Variants in OSBPL9 observed in about 807,000 individuals in gnomAD.
OSBPL9 encodes the protein oxysterol binding protein like 9.
A neutral mutation model predicts 106.6 loss-of-function variants in OSBPL9; 40 were observed. The observed-to-expected ratio is 0.38, with a 90% CI of 0.29 to 0.49. The LOEUF is 0.49. OSBPL9 is among the 20% of genes least tolerant of loss of function. The pLI, the probability that OSBPL9 is intolerant of heterozygous loss-of-function variation, is 0.97. For missense variants in OSBPL9, 609 were observed against 887.2 expected, an observed-to-expected ratio of 0.69 and a Z score of 3.98; for synonymous variants, 269 against 295.4, an observed-to-expected ratio of 0.91 and a Z score of 0.92.
Position 51,602,839 on chromosome 1 carries a change from G to A in OSBPL9, c.-353+4646G>A, listed in dbSNP as rs543530603. ...AGCATGCAGTGGGTGCTCAAAATAT[G>A]TTGATGGAATAAGGTAAATAATAAC... On this transcript the variant is annotated intron_variant, in intron 2 of 25. Coordinates refer to the OSBPL9 transcript ENST00000371714. Among the ~76,000 whole-genome samples the A allele has an allele frequency of 5.3e-5, 8 of 152,256 alleles. No homozygotes were observed. In the East Asian group the frequency reaches 1.5e-3, roughly 29 times the overall value.
intron 1 of OSBPL9, among the ~76,000 whole-genome samples, chr1:51,589,095 C>CT (rs71063044): frequency 0.25 from 36,657 of 146,824 alleles, 5,102 homozygotes; most frequent in Middle Eastern, 0.34. Context: ...CTTTTCTTTT[C>CT]TTTTTTTTTT....
chr1:51,745,258 G>A (rs1667742651), intron 4 of OSBPL9: 1 of 324,962 alleles, frequency 3.1e-6, no homozygotes, highest in South Asian at 3.6e-5. Context: ...ACAGGGTTTG[G>A]GGGAGATAAG....
chr1:51,706,643 A>C (rs1658601681), intron 3 of OSBPL9, among the ~76,000 whole-genome samples: 1 of 150,494 alleles, frequency 6.6e-6, no homozygotes, highest in African/African-American at 2.4e-5. Context: ...TGTTGTTTTC[A>C]GCCTTTTTGC....
At chr1:51,585,029 C>T (rs1424219269) in intron 1 of OSBPL9, among the ~76,000 whole-genome samples, 1 of 152,054 alleles carries the variant, frequency 6.6e-6, no homozygotes, top group Admixed American at 6.6e-5. Flanking sequence ...TGTGAGCTAG[C>T]CATGTGCAGT....
At chr1:51,529,242 A>ATT in the OSBPL9 span, among the ~76,000 whole-genome samples, 30 of 145,156 alleles carry the variant, frequency 2.1e-4, no homozygotes, top group East Asian at 2.2e-3. Context: ...ATGCTTCCTG[A>ATT]TTTTTTTTTT....
intron 1 of OSBPL9, among the ~76,000 whole-genome samples, chr1:51,632,214 C>T (rs1645151798): frequency 6.6e-6 from 1 of 151,892 alleles, no homozygotes; most frequent in Non-Finnish European, 1.5e-5. Flanking sequence ...ATGTACTGTA[C>T]ATAATTGTAT....
chr1:51,647,820 A>G (rs909813953), intron 1 of OSBPL9, among the ~76,000 whole-genome samples: 2 of 152,096 alleles, frequency 1.3e-5, no homozygotes, highest in Non-Finnish European at 2.9e-5. Context: ...GATTTTTTAA[A>G]GAACCAACTT....
At chr1:51,572,966 A>T (rs1020909317), upstream of OSBPL9, among the ~76,000 whole-genome samples, 9 of 151,946 alleles carry the variant, frequency 5.9e-5, no homozygotes, top group African/African-American at 2.2e-4. Context: ...AATCCCAGCA[A>T]TGCGGGAGGC....
the OSBPL9 span, chr1:51,561,581 T>C: frequency 6.6e-6 from 1 of 152,144 alleles, no homozygotes; most frequent in Non-Finnish European, 1.5e-5. Flanking sequence ...GCATCTGGTG[T>C]ACTTAACAAT....
intron 3 of OSBPL9, among the ~76,000 whole-genome samples, chr1:51,685,868 T>G (rs905280812): frequency 3.3e-5 from 5 of 152,208 alleles, no homozygotes; most frequent in Admixed American, 2.6e-4. Context: ...TTCTTAATAT[T>G]AAATTTGGGA....
chr1:51,719,625 C>G (rs1295283773), intron 4 of OSBPL9, among the ~76,000 whole-genome samples: 2 of 151,970 alleles, frequency 1.3e-5, no homozygotes, highest in Non-Finnish European at 2.9e-5. Flanking sequence ...GTATAAAAAT[C>G]AGTTTTATAA....
chr1:51,597,239 G>A (rs985602924), intron 1 of OSBPL9, among the ~76,000 whole-genome samples: 4 of 152,134 alleles, frequency 2.6e-5, no homozygotes, highest in Non-Finnish European at 5.9e-5. Context: ...TATAACTGGT[G>A]TAGTGGGAAG....
intron 4 of OSBPL9, among the ~76,000 whole-genome samples, chr1:51,737,550 GT>G (rs1665976775): frequency 1.7e-5 from 2 of 117,370 alleles, no homozygotes; most frequent in South Asian, 2.6e-4. Flanking sequence ...TCAGGGGTGT[GT>G]GTGTGTGTGT....
chr1:51,552,826 T>C, the OSBPL9 span, among the ~76,000 whole-genome samples: 1 of 152,060 alleles, frequency 6.6e-6, no homozygotes, highest in Non-Finnish European at 1.5e-5. Context: ...GGTTTCACCA[T>C]CTTGGCCAGG....
rs190918347 is a variant in OSBPL9 at position 51,741,877 on chromosome 1, A to G, written c.319-3659A>G. ...TAGAGCTGTGGCTCACATCAGTGTA[A>G]TAAACCAAAGAGCAGCAACCTCTTT... On this transcript the variant is annotated intron_variant, in intron 4 of 23. Transcript: ENST00000428468. 2.8e-4 allele frequency among the ~76,000 whole-genome samples: 42 copies of G among 152,324 alleles called. No homozygotes were observed. The East Asian group carries it at 5.8e-3, about 21-fold the overall frequency.
intron 2 of OSBPL9, among the ~76,000 whole-genome samples, chr1:51,659,962 G>C (rs1335573293): frequency 6.6e-6 from 1 of 152,052 alleles, no homozygotes; most frequent in Non-Finnish European, 1.5e-5. Flanking sequence ...AAATGGTATG[G>C]TGGTGTTATA....
At chr1:51,532,206 A>G in the OSBPL9 span, among the ~76,000 whole-genome samples, 686 of 152,358 alleles carry the variant, frequency 4.5e-3, 3 homozygotes, top group Admixed American at 9.5e-3. Context: ...AGAAATGTCT[A>G]GCTGAAATGA....
At chr1:51,666,181 G>A (rs1196221040) in intron 2 of OSBPL9, among the ~76,000 whole-genome samples, 1 of 152,152 alleles carries the variant, frequency 6.6e-6, no homozygotes, top group Non-Finnish European at 1.5e-5. Context: ...AACTAAAGTA[G>A]TAATGTGGTC....
chr1:51,532,814 T>C, the OSBPL9 span, among the ~76,000 whole-genome samples: 1 of 151,928 alleles, frequency 6.6e-6, no homozygotes, highest in South Asian at 2.1e-4. Context: ...CACAAGATAG[T>C]TGAGGAATGG....
Sources: allele counts gnomAD v4.1 joint callset (sites outside exome capture counted in the v4.1 genomes callset), GRCh38; gene constraint gnomAD v4.1.1; transcripts MANE v1.5; gene names NCBI Gene and HGNC (gene_info 2026-07-23, HGNC 2026-07-21).